USP24: variants seen among roughly 807,000 people sequenced by gnomAD.
The protein encoded by USP24 is ubiquitin carboxyl-terminal hydrolase 24.
USP24 carries 97 observed loss-of-function variants against 361.6 expected under a neutral mutation model. The observed-to-expected ratio is 0.27, with a 90% CI of 0.23 to 0.32. The LOEUF (loss-of-function observed/expected upper bound fraction) is 0.32, where lower values mean the gene tolerates loss of function less well. Among genes scored for constraint, USP24 ranks in the 10% least tolerant of loss-of-function variants. The probability of loss-of-function intolerance (pLI) is 1.00; values close to 1 mark genes in which losing one functional copy is unlikely to be tolerated. For missense variants in USP24, 2,353 were observed against 3,165.6 expected (o/e 0.74, Z 6.16); for synonymous variants, 1,098 against 1,124.6 (o/e 0.98, Z 0.47).
intron 1 of USP24, among the ~76,000 whole-genome samples, chr1:55,193,843 C>T (rs751872968): frequency 1.4e-4 from 21 of 152,158 alleles, no homozygotes; most frequent in Non-Finnish European, 2.1e-4. Context: ...GGCAAAGTTA[C>T]TCACCAGAAG....
chr1:55,165,846 T>C (rs1404981981), intron 7 of USP24, 39 bp downstream of exon 7: 3 of 1,523,698 alleles, frequency 2.0e-6, no homozygotes, highest in South Asian at 1.3e-5. Context: ...TCAAGTGAAA[T>C]GAATTTCCAC....
At position 55,137,743 on chromosome 1, in the gene USP24, T is replaced by C. The variant is rs1024852793; in HGVS notation, c.3028-55A>G. ...AGGAAAAGGAAGAGGAAATTATTCA[T>C]ATCAGGCTAAATATTTATATTATAT... is the stretch of plus-strand genomic sequence containing the variant. On this transcript the variant is annotated intron_variant, in intron 27 of 67. Transcript: ENST00000294383. The C allele has an allele frequency of 7.0e-6, 11 of 1,564,582 alleles. No homozygotes were observed. In the African/African-American group the frequency reaches 1.4e-4, roughly 20 times the overall value.
At chr1:55,203,434 G>T (rs1052078468) in intron 1 of USP24, among the ~76,000 whole-genome samples, 1 of 152,224 alleles carries the variant, frequency 6.6e-6, no homozygotes, top group Non-Finnish European at 1.5e-5. Flanking sequence ...CATGGTCCCA[G>T]CTGTGAAACA....
At chr1:55,190,182 A>AAAAAAAAAAG (rs1553170065) in intron 1 of USP24, among the ~76,000 whole-genome samples, 1 of 150,964 alleles carries the variant, frequency 6.6e-6, no homozygotes, top group African/African-American at 2.4e-5. Context: ...AAAAAAAAAA[A>AAAAAAAAAAG]AAAGAAAGAA....
Position 55,100,820 on chromosome 1 carries a change from G to C in USP24, c.5271+19C>G. On this transcript the variant is annotated intron_variant, in intron 44 of 67. Coordinates refer to ENST00000294383, the MANE Select transcript of USP24 (RefSeq NM_015306.3). ...AATATTTAACATCTTTAAATCTCAA[G>C]AGTTACTGGGTGAAATACCTTCCAA... 1 of 1,587,280 alleles carries C rather than the reference G, an allele frequency of 6.3e-7. No homozygotes were observed. The highest frequency in any genetic ancestry group is 8.5e-7 in the Non-Finnish European group (1 of 1,170,124).
chr1:55,188,110 C>T (rs1644182769), intron 1 of USP24, among the ~76,000 whole-genome samples: 3 of 152,094 alleles, frequency 2.0e-5, no homozygotes, highest in Admixed American at 2.0e-4. Context: ...ATTAATTTTT[C>T]AGCAAGAGTC....
At chr1:55,143,230 T>A in intron 21 of USP24, 111 bp from the exon 22 acceptor site, 1 of 773,724 alleles carries the variant, frequency 1.3e-6, no homozygotes, top group Non-Finnish European at 1.9e-6. Context: ...CAGTTCAATA[T>A]GAATTAAGGC....
At chr1:55,095,113 G>A in intron 51 of USP24, 142 bp downstream of exon 51, 1 of 1,008,646 alleles carries the variant, frequency 9.9e-7, no homozygotes, top group Non-Finnish European at 1.4e-6. Context: ...AAGCAATAAG[G>A]GATTTATTTT....
intron 41 of USP24, among the ~76,000 whole-genome samples, chr1:55,105,218 C>T (rs1446516314): frequency 6.6e-6 from 1 of 152,144 alleles, no homozygotes; most frequent in African/African-American, 2.4e-5. Context: ...TAATAAAAGA[C>T]TACCATAGAC....
intron 39 of USP24, among the ~76,000 whole-genome samples, chr1:55,108,566 C>T (rs563586867): frequency 2.0e-5 from 3 of 152,196 alleles, no homozygotes; most frequent in Non-Finnish European, 2.9e-5. Context: ...CACTGGCTTA[C>T]GGAATACACT....
intron 30 of USP24, 85 bp downstream of exon 30, chr1:55,133,985 T>G: frequency 8.4e-7 from 1 of 1,196,796 alleles, no homozygotes. Flanking sequence ...GATGGTATCA[T>G]ATGACCTTGA....
chr1:55,207,395 T>C lies in USP24; in HGVS notation c.324+7395A>G, dbSNP rs142991979. Among the ~76,000 whole-genome samples the C allele has an allele frequency of 3.2e-3, 490 of 152,280 alleles. 2 individuals carry two copies. The highest frequency in any genetic ancestry group is 0.011 in the African/African-American group (471 of 41,570). ...GAATTTCTGACCAACAAGTCTTCCT[T>C]ACAAAGATTTTAATTTCAGAAATAA... On this transcript the variant is annotated intron_variant, in intron 1 of 67. Coordinates refer to ENST00000294383, the MANE Select transcript of USP24 (RefSeq NM_015306.3).
In USP24 at chr1:55,068,515, G is replaced by A. The variant is rs1644858717; in HGVS notation, c.*530C>T. Reference sequence around the variant, plus strand: ...AATAGGGAGACATATTAAATACAAAGGTCTGTGTAAATTGACTTAATTACT... The same window carrying A: ...AATAGGGAGACATATTAAATACAAAAGTCTGTGTAAATTGACTTAATTACT... On this transcript the variant is annotated 3_prime_UTR_variant, in exon 68 of 68. Transcript: ENST00000294383. 1 of 153,188 alleles carries A rather than the reference G, an allele frequency of 6.5e-6. No individual in the cohort carries two copies. Among genetic ancestry groups the A allele is most frequent in the Admixed American group, 6.5e-5 (1 of 15,356 alleles). 9.5% of individuals were successfully genotyped at this position (153,188 alleles called of 1,614,324 possible).
chr1:55,182,878 C>G (rs1378140045), intron 1 of USP24, among the ~76,000 whole-genome samples: 1 of 152,116 alleles, frequency 6.6e-6, no homozygotes, highest in Non-Finnish European at 1.5e-5. Context: ...CCATGTCCAG[C>G]TCATTTTTGT....
intron 16 of USP24, 66 bp from the exon 17 acceptor site, chr1:55,148,636 T>C (rs1156365713): frequency 1.6e-6 from 2 of 1,251,722 alleles, no homozygotes; most frequent in African/African-American, 1.5e-5. Flanking sequence ...TTATTAGCTA[T>C]AAAAAATTTC....
rs114895289 is a variant in USP24, at chr1:55,128,390, C to A, written c.3635+1087G>T. ...TTTTCATGGACTACAAGACAACACT[C>A]GTATTCCCCAATGAGACCCTTCTTG... On this transcript the variant is annotated intron_variant, in intron 32 of 67. Transcript: ENST00000294383. 7.4e-3 allele frequency among the ~76,000 whole-genome samples: 1,132 copies of A among 152,226 alleles called. 11 individuals carry two copies. The highest frequency in any genetic ancestry group is 0.026 in the African/African-American group (1,098 of 41,518).
chr1:55,153,743 C>T, intron 16 of USP24, 127 bp downstream of exon 16: 1 of 1,061,336 alleles, frequency 9.4e-7, no homozygotes, highest in South Asian at 1.6e-5. Flanking sequence ...AATTTTTAGA[C>T]ATCAAGTTTA....
intron 53 of USP24, among the ~76,000 whole-genome samples, chr1:55,092,597 A>C (rs1645406921): frequency 6.6e-6 from 1 of 152,222 alleles, no homozygotes; most frequent in Non-Finnish European, 1.5e-5. Flanking sequence ...CACTTTAGAA[A>C]GCCAGTATGT....
chr1:55,110,247 CT>C lies in USP24; in HGVS notation c.4509-2del. On this transcript the variant is annotated splice_acceptor_variant, in intron 38 of 67. Coordinates refer to ENST00000294383, the MANE Select transcript of USP24 (RefSeq NM_015306.3). LOFTEE classifies it high-confidence loss of function. ...ATACTCCATACACTGAGATAACAGT[CT>C]AAAAAACAGAAAGGTTTCAGTTACT... The C allele has an allele frequency of 6.5e-7, 1 of 1,529,068 alleles. No homozygotes were observed. Among genetic ancestry groups the C allele is most frequent in the Non-Finnish European group, 8.8e-7 (1 of 1,136,958 alleles). 94.7% of individuals were successfully genotyped at this position (1,529,068 alleles called of 1,614,324 possible).
Sources: allele counts gnomAD v4.1 joint callset (sites outside exome capture counted in the v4.1 genomes callset), GRCh38; gene constraint gnomAD v4.1.1; transcripts MANE v1.5; gene names NCBI Gene and HGNC (gene_info 2026-07-23, HGNC 2026-07-21).